The following RFTN2 variants were observed in gnomAD, a reference collection of about 807,000 sequenced individuals.
The protein encoded by RFTN2 is raftlin-2.
RFTN2 carries 34 observed loss-of-function variants against 52.7 expected under a neutral mutation model. The observed-to-expected ratio is 0.64, with a 90% CI of 0.49 to 0.86. RFTN2 has a LOEUF of 0.86. Among genes scored for constraint, RFTN2 ranks in the 40% least tolerant of loss-of-function variants. RFTN2 has a pLI of 0.00. For synonymous variants in RFTN2, 203 were observed against 217.7 expected (o/e 0.93, Z 0.59); for missense variants, 536 against 600.1 (o/e 0.89, Z 1.12).
In RFTN2 at chr2:197,615,977, T is replaced by A. The variant is rs1203495715; in HGVS notation, c.1053A>T (p.Gly351=). The change falls in exon 7 of 9, where the codon GGA becomes GGT. Residue 351 remains glycine (G), a splice_region_variant and synonymous_variant. Transcript: ENST00000295049. ...IVVEQWTVIE[G]CEIKTDYGPL... ...GGCCATAATCTGTTTTGATTTCACA[T>A]CCCTGCATGAATAAGTATAAGAGCT... The A allele has an allele frequency of 3.2e-6, 5 of 1,539,800 alleles. No individual in the cohort carries two copies. Among genetic ancestry groups the A allele is most frequent in the Admixed American group, 3.9e-5 (2 of 51,206 alleles).
At chr2:197,625,837 A>C (rs1344779221) in intron 5 of RFTN2, among the ~76,000 whole-genome samples, 1 of 149,296 alleles carries the variant, frequency 6.7e-6, no homozygotes, top group Non-Finnish European at 1.5e-5. Context: ...TGCACTGCCC[A>C]GTGCAGTGCA....
intron 7 of RFTN2, among the ~76,000 whole-genome samples, chr2:197,611,431 T>A (rs1312316524): frequency 1.3e-5 from 2 of 152,202 alleles, no homozygotes; most frequent in Non-Finnish European, 2.9e-5. Flanking sequence ...TGATAGTAGT[T>A]TGTATTTCTG....
intron 7 of RFTN2, among the ~76,000 whole-genome samples, chr2:197,609,870 A>G (rs544155183): frequency 6.6e-6 from 1 of 152,352 alleles, no homozygotes; most frequent in African/African-American, 2.4e-5. Flanking sequence ...TTTATTAAAT[A>G]GGGAATCCTT....
chr2:197,663,182 G>A (rs1207004844), intron 1 of RFTN2, among the ~76,000 whole-genome samples: 1 of 152,130 alleles, frequency 6.6e-6, no homozygotes, highest in African/African-American at 2.4e-5. Context: ...TGCATCACTG[G>A]TATAAATTCC....
Position 197,665,517 on chromosome 2 carries a change from C to CTTTTTTTTT in RFTN2, c.139+9794_139+9802dup. ...ATTCCTTTATCATTATGTACCTTGC[C>CTTTTTTTTT]TTTTTTTTTTTTTTTTACTGTTTTC... is the stretch of plus-strand genomic sequence containing the variant. On this transcript the variant is annotated intron_variant, in intron 1 of 8. Coordinates refer to ENST00000295049, the MANE Select transcript of RFTN2 (RefSeq NM_144629.3). Among the ~76,000 whole-genome samples the CTTTTTTTTT allele has an allele frequency of 7.5e-4, 31 of 41,486 alleles. 2 individuals are homozygous for CTTTTTTTTT. The highest frequency in any genetic ancestry group is 2.4e-3 in the East Asian group (6 of 2,520). The allele number at this position is 41,486 out of a possible 152,430, so 27.2% of individuals were successfully genotyped here.
intron 3 of RFTN2, among the ~76,000 whole-genome samples, chr2:197,639,510 C>G (rs2088624635): frequency 7.0e-6 from 1 of 142,526 alleles, no homozygotes; most frequent in Non-Finnish European, 1.5e-5. Context: ...TTGCTGATAC[C>G]CTTTCTTCCA....
chr2:197,584,761 A>T (rs933198815), intron 8 of RFTN2, among the ~76,000 whole-genome samples: 4 of 152,136 alleles, frequency 2.6e-5, no homozygotes, highest in Admixed American at 6.6e-5. Flanking sequence ...TTGAACTTTT[A>T]CATGGACGCA....
At chr2:197,590,097 G>C (rs1468686705) in intron 8 of RFTN2, among the ~76,000 whole-genome samples, 2 of 151,414 alleles carry the variant, frequency 1.3e-5, no homozygotes, top group African/African-American at 4.9e-5. Context: ...TTGCAGACAG[G>C]GTTTTGCTGA....
At position 197,642,122 on chromosome 2, in the gene RFTN2, T is replaced by C. The variant is rs79430259; in HGVS notation, c.438+2036A>G. ...TAGTCTCAAAGACTAAAAACCCTTA[T>C]TGAATAGTGACTTTGTGCCTAAATG... On this transcript the variant is annotated intron_variant, in intron 3 of 8. Transcript: ENST00000295049. Among the ~76,000 whole-genome samples, 1,052 of 152,324 alleles carry C rather than the reference T, an allele frequency of 6.9e-3. 8 individuals are homozygous for C. The highest frequency in any genetic ancestry group is 0.024 in the African/African-American group (1,004 of 41,568).
At chr2:197,605,407 G>A (rs563207230) in intron 7 of RFTN2, among the ~76,000 whole-genome samples, 1 of 152,110 alleles carries the variant, frequency 6.6e-6, no homozygotes, top group African/African-American at 2.4e-5. Flanking sequence ...AGTAGAGACG[G>A]GGTTTCACTG....
intron 4 of RFTN2, 70 bp from the exon 5 acceptor site, chr2:197,631,290 C>G (rs914458419): frequency 8.2e-6 from 9 of 1,099,042 alleles, no homozygotes; most frequent in Non-Finnish European, 1.1e-5. Context: ...AATTTTTTCA[C>G]TAATCATGAG....
At chr2:197,610,923 T>C (rs1344365053) in intron 7 of RFTN2, among the ~76,000 whole-genome samples, 1 of 152,226 alleles carries the variant, frequency 6.6e-6, no homozygotes, top group Non-Finnish European at 1.5e-5. Context: ...ATTTATTGAT[T>C]TGTGTATGTT....
chr2:197,619,985 AGGC>A (rs2088234255), intron 5 of RFTN2, among the ~76,000 whole-genome samples: 12 of 151,780 alleles, frequency 7.9e-5, no homozygotes, highest in Admixed American at 7.9e-4. Flanking sequence ...TCAATCTAAA[AGGC>A]ATCTGGATGT....
chr2:197,672,645 C>G (rs1325416498), intron 1 of RFTN2, among the ~76,000 whole-genome samples: 1 of 152,158 alleles, frequency 6.6e-6, no homozygotes, highest in Non-Finnish European at 1.5e-5. Flanking sequence ...TAAAACAACT[C>G]TGTGACGTCA....
chr2:197,644,333 T>C, intron 2 of RFTN2, 61 bp from the exon 3 acceptor site: 1 of 924,570 alleles, frequency 1.1e-6, no homozygotes, highest in Non-Finnish European at 1.8e-6. Flanking sequence ...GCTAATATGC[T>C]CATGTGAAAA....
intron 3 of RFTN2, among the ~76,000 whole-genome samples, chr2:197,638,058 A>G (rs1170081744): frequency 6.6e-6 from 1 of 151,080 alleles, no homozygotes; most frequent in African/African-American, 2.4e-5. Context: ...TTTGAGTGAA[A>G]TTCTTAATTC....
At chr2:197,584,236 C>T (rs1461433373) in intron 8 of RFTN2, among the ~76,000 whole-genome samples, 3 of 152,174 alleles carry the variant, frequency 2.0e-5, no homozygotes, top group African/African-American at 7.2e-5. Flanking sequence ...AGTTTACAGT[C>T]CCACCAACAG....
At chr2:197,611,934 C>T (rs962775907) in intron 7 of RFTN2, among the ~76,000 whole-genome samples, 1 of 152,202 alleles carries the variant, frequency 6.6e-6, no homozygotes, top group African/African-American at 2.4e-5. Context: ...GAGTGAGTTT[C>T]TTAATCCTGA....
At chr2:197,636,860 G>A (rs1364506244) in intron 3 of RFTN2, among the ~76,000 whole-genome samples, 1 of 149,740 alleles carries the variant, frequency 6.7e-6, no homozygotes, top group Admixed American at 6.6e-5. Context: ...CATTTAGTAT[G>A]ATATTGGCTG....
Sources: allele counts gnomAD v4.1 joint callset (sites outside exome capture counted in the v4.1 genomes callset), GRCh38; gene constraint gnomAD v4.1.1; transcripts MANE v1.5; gene names NCBI Gene and HGNC (gene_info 2026-07-23, HGNC 2026-07-21).